FGD4: variants seen among roughly 807,000 people sequenced by gnomAD.
The protein encoded by FGD4 is FYVE, RhoGEF and PH domain containing 4.
Under a neutral mutation model 102.0 loss-of-function variants are expected in FGD4, and 42 were observed. That is an observed-to-expected ratio of 0.41 (90% CI 0.32 to 0.53). FGD4 has a LOEUF of 0.53. Among genes scored for constraint, FGD4 ranks in the 20% least tolerant of loss-of-function variants. The pLI, the probability that FGD4 is intolerant of heterozygous loss-of-function variation, is 0.21. For synonymous variants in FGD4, 380 were observed against 375.7 expected (o/e 1.01, Z -0.13); for missense variants, 902 against 1,078.2 (o/e 0.84, Z 2.29).
intron 2 of FGD4, among the ~76,000 whole-genome samples, chr12:32,567,808 C>T (rs1945317146): frequency 6.6e-6 from 1 of 151,818 alleles, no homozygotes; most frequent in South Asian, 2.1e-4. Context: ...CCACTTCAGC[C>T]TCCTCAGTAG....
chr12:32,525,056 T>C (rs1011665815), intron 1 of FGD4, among the ~76,000 whole-genome samples: 1 of 152,200 alleles, frequency 6.6e-6, no homozygotes, highest in Admixed American at 6.5e-5. Flanking sequence ...ATGTTACCAA[T>C]ACATTTGAAG....
intron 10 of FGD4, among the ~76,000 whole-genome samples, chr12:32,617,370 C>T (rs2136847599): frequency 6.6e-6 from 1 of 152,262 alleles, no homozygotes; most frequent in Admixed American, 6.5e-5. Context: ...AGAACGAGCA[C>T]TAGAAATTTT....
chr12:32,628,323 A>G (rs937059345), intron 14 of FGD4, among the ~76,000 whole-genome samples: 1 of 152,018 alleles, frequency 6.6e-6, no homozygotes, highest in East Asian at 1.9e-4. Flanking sequence ...AGGGAATACA[A>G]GCCTCAATTC....
chr12:32,563,025 G>T (rs1185687406), intron 1 of FGD4, among the ~76,000 whole-genome samples: 2 of 150,360 alleles, frequency 1.3e-5, no homozygotes, highest in Non-Finnish European at 3.0e-5. Context: ...CGGACGGGGC[G>T]GCTGGCCGGG....
chr12:32,575,482 T>C (rs1458761405), intron 2 of FGD4, among the ~76,000 whole-genome samples: 1 of 152,108 alleles, frequency 6.6e-6, no homozygotes, highest in East Asian at 1.9e-4. Flanking sequence ...ATGGCAAGAA[T>C]TGTACCAAGC....
At chr12:32,474,318 A>G (rs1283869727) in intron 1 of FGD4, among the ~76,000 whole-genome samples, 7 of 152,192 alleles carry the variant, frequency 4.6e-5, no homozygotes, top group Admixed American at 3.9e-4. Context: ...TATAGTTGCA[A>G]TATAATAGCC....
At chr12:32,421,753 GCA>G (rs1565730391) in intron 1 of FGD4, among the ~76,000 whole-genome samples, 3 of 151,874 alleles carry the variant, frequency 2.0e-5, no homozygotes, top group Non-Finnish European at 1.5e-5. Context: ...TGCTTTAAAA[GCA>G]AAAAACAAAA....
Position 32,587,454 on chromosome 12 carries a change from TA to T in FGD4, c.1011+4988del, listed in dbSNP as rs1203133794. On this transcript the variant is annotated intron_variant, in intron 4 of 16. Transcript: ENST00000534526. ...CTGCCAGGCTGGAGTGCGGTGACGCTATCTCGGCTCACTACAACCTCCACGT... is the reference window on the plus strand; with the variant it reads ...CTGCCAGGCTGGAGTGCGGTGACGCTTCTCGGCTCACTACAACCTCCACGT... Among the ~76,000 whole-genome samples the T allele has an allele frequency of 2.0e-5, 3 of 152,220 alleles. No homozygotes were observed. The East Asian group carries it at 5.8e-4, about 29-fold the overall frequency.
chr12:32,613,899 A>G lies in FGD4; in HGVS notation c.1749+2616A>G, dbSNP rs75383233. Among the ~76,000 whole-genome samples, 242 of 152,360 alleles carry G rather than the reference A, an allele frequency of 1.6e-3. 4 individuals are homozygous for G. Among genetic ancestry groups the G allele is most frequent in the Admixed American group, 0.013 (205 of 15,302 alleles). On this transcript the variant is annotated intron_variant, in intron 10 of 16. Transcript: ENST00000534526. ...TGAAGTTTGGATGCAAAAATGATAAAATCATTGACACTTCATGAAAAGTTA... is the reference window on the plus strand; with the variant it reads ...TGAAGTTTGGATGCAAAAATGATAAGATCATTGACACTTCATGAAAAGTTA...
In FGD4 at chr12:32,590,285, G is replaced by C. The variant is rs551594392; in HGVS notation, c.1011+7818G>C. On this transcript the variant is annotated intron_variant, in intron 4 of 16. Coordinates refer to ENST00000534526, the MANE Select transcript of FGD4 (RefSeq NM_001370298.3). ...AGATCGCGCCATCGCACTCCAGCCT[G>C]GGGGACAAGAGTGAGACTTCATCTA... Among the ~76,000 whole-genome samples the C allele has an allele frequency of 5.3e-5, 8 of 149,780 alleles. No individual in the cohort carries two copies. The South Asian group carries it at 6.3e-4, about 12-fold the overall frequency.
chr12:32,432,999 T>C (rs2470382), intron 1 of FGD4, among the ~76,000 whole-genome samples: 60,015 of 151,656 alleles, frequency 0.4, 12,451 homozygotes, highest in African/African-American at 0.51. Context: ...GAATAAGATT[T>C]TTTTTTTTTT....
chr12:32,586,117 A>G (rs1947010612), intron 4 of FGD4, among the ~76,000 whole-genome samples: 1 of 152,218 alleles, frequency 6.6e-6, no homozygotes, highest in South Asian at 2.1e-4. Context: ...GTACAAGGCT[A>G]GATTTAGAAG....
intron 1 of FGD4, among the ~76,000 whole-genome samples, chr12:32,475,023 C>G (rs1199028979): frequency 1.3e-5 from 2 of 152,190 alleles, no homozygotes; most frequent in African/African-American, 4.8e-5. Context: ...CAGAAAAAAG[C>G]AGCAGATGTG....
intron 1 of FGD4, among the ~76,000 whole-genome samples, chr12:32,401,926 G>C (rs112811286): frequency 0.073 from 9,646 of 132,208 alleles, 610 homozygotes; most frequent in East Asian, 0.17. Flanking sequence ...TTTTTGAGAC[G>C]GAGTCTGGCT....
chr12:32,568,790 T>C, intron 2 of FGD4, among the ~76,000 whole-genome samples: 1 of 152,244 alleles, frequency 6.6e-6, no homozygotes, highest in Non-Finnish European at 1.5e-5. Context: ...TTGTTGTTTC[T>C]GTTTTCAAAA....
intron 1 of FGD4, among the ~76,000 whole-genome samples, chr12:32,414,454 T>C (rs1405424561): frequency 6.6e-6 from 1 of 152,192 alleles, no homozygotes; most frequent in African/African-American, 2.4e-5. Flanking sequence ...TTACACTCTT[T>C]TAGTTATAAA....
intron 4 of FGD4, 50 bp downstream of exon 4, chr12:32,582,517 T>A (rs1946698024): frequency 6.3e-7 from 1 of 1,599,606 alleles, no homozygotes; most frequent in South Asian, 1.1e-5. Flanking sequence ...CCTATTCGAT[T>A]GTTGTCTTAA....
At chr12:32,575,251 G>C (rs890745976) in intron 2 of FGD4, among the ~76,000 whole-genome samples, 3 of 152,060 alleles carry the variant, frequency 2.0e-5, no homozygotes, top group Admixed American at 1.3e-4. Flanking sequence ...AGGCTTATTG[G>C]GCTCACAGTT....
chr12:32,478,161 T>C (rs1405155859), intron 1 of FGD4, among the ~76,000 whole-genome samples: 1 of 152,246 alleles, frequency 6.6e-6, no homozygotes, highest in Non-Finnish European at 1.5e-5. Flanking sequence ...ATCGTATTGT[T>C]GTACTTTTGA....
Sources: allele counts gnomAD v4.1 joint callset (sites outside exome capture counted in the v4.1 genomes callset), GRCh38; gene constraint gnomAD v4.1.1; transcripts MANE v1.5; gene names NCBI Gene and HGNC (gene_info 2026-07-23, HGNC 2026-07-21).